Variants in YIPF4 observed in about 807,000 individuals in gnomAD.
YIPF4 encodes the protein protein YIPF4.
A neutral mutation model predicts 29.4 loss-of-function variants in YIPF4; 18 were observed. The ratio of observed to expected loss-of-function variants is 0.61; its 90% CI spans 0.42 to 0.91. YIPF4 has a LOEUF of 0.91. Among genes scored for constraint, YIPF4 ranks in the 40% least tolerant of loss-of-function variants. The pLI, the probability that YIPF4 is intolerant of heterozygous loss-of-function variation, is 0.00. For missense variants in YIPF4, 279 were observed against 282.7 expected (o/e 0.99, Z 0.09); for synonymous variants, 115 against 104.7 (o/e 1.10, Z -0.60).
In YIPF4 at chr2:32,315,912, G is replaced by T. The variant is rs771259018; in HGVS notation, c.*10286G>T. 1 of 151,752 alleles carries T rather than the reference G, an allele frequency of 6.6e-6. No individual in the cohort carries two copies. 9.4% of individuals were successfully genotyped at this position (151,752 alleles called of 1,614,324 possible). On this transcript the variant is annotated 3_prime_UTR_variant, in exon 6 of 6. Coordinates refer to ENST00000238831, the MANE Select transcript of YIPF4 (RefSeq NM_032312.4). ...ACAGAAGCCATGGCCAGGCACGGTG[G>T]CTCATGCCTGTAATCCCAGCTCTCA...
chr2:32,278,317 C>G, intron 1 of YIPF4, 83 bp downstream of exon 1: 1 of 1,374,250 alleles, frequency 7.3e-7, no homozygotes, highest in Non-Finnish European at 9.8e-7. Flanking sequence ...CCGAGGTGGT[C>G]GTGGCCGGGT....
At chr2:32,283,844 A>G (rs1175591325) in intron 1 of YIPF4, among the ~76,000 whole-genome samples, 1 of 151,768 alleles carries the variant, frequency 6.6e-6, no homozygotes, top group East Asian at 1.9e-4. Context: ...CAGCCTCCCA[A>G]GTAGCTGGGA....
chr2:32,302,940 C>G, intron 5 of YIPF4, among the ~76,000 whole-genome samples: 1 of 152,176 alleles, frequency 6.6e-6, no homozygotes, highest in East Asian at 1.9e-4. Flanking sequence ...CTAATCAGTT[C>G]TAAATTCAAA....
chr2:32,306,020 C>A lies in YIPF4; in HGVS notation c.*394C>A. ...AATTTTTTTCTTCAAAATGTTTTCT[C>A]CAGCATCACAGATCCTGCAGATATA... On this transcript the variant is annotated 3_prime_UTR_variant, in exon 6 of 6. Transcript: ENST00000238831. 3.1e-6 allele frequency: 3 copies of A among 966,440 alleles called. No homozygotes were observed. Among genetic ancestry groups the A allele is most frequent in the Non-Finnish European group, 3.7e-6 (3 of 812,790 alleles). The allele number at this position is 966,440 out of a possible 1,614,324, so 59.9% of individuals were successfully genotyped here.
chr2:32,294,799 C>G (rs969492668), intron 3 of YIPF4, among the ~76,000 whole-genome samples: 1 of 152,250 alleles, frequency 6.6e-6, no homozygotes, highest in Non-Finnish European at 1.5e-5. Context: ...GTGAACCAGA[C>G]ACCGTCTGCA....
At chr2:32,284,093 A>T (rs565799046) in intron 1 of YIPF4, among the ~76,000 whole-genome samples, 1 of 152,194 alleles carries the variant, frequency 6.6e-6, no homozygotes, top group African/African-American at 2.4e-5. Context: ...TTCAATAAGC[A>T]TGCACATTTG....
At chr2:32,294,613 T>A (rs2031093728) in intron 3 of YIPF4, among the ~76,000 whole-genome samples, 1 of 134,504 alleles carries the variant, frequency 7.4e-6, no homozygotes, top group South Asian at 2.5e-4. Flanking sequence ...GCTCCTCACA[T>A]CCCAGACGAT....
chr2:32,278,330 G>A, intron 1 of YIPF4, 96 bp downstream of exon 1: 2 of 1,250,518 alleles, frequency 1.6e-6, no homozygotes, highest in Non-Finnish European at 2.2e-6. Context: ...GGCCGGGTGG[G>A]GACAGGCAGG....
chr2:32,311,183 G>A lies in YIPF4; in HGVS notation c.*5557G>A, dbSNP rs1233012366. On this transcript the variant is annotated 3_prime_UTR_variant, in exon 6 of 6. Transcript: ENST00000238831. Reference sequence around the variant, plus strand: ...TTGTCTCTTAAAAAAAATACATTCTGAAGAAAGTTCTACTTATGAATACAT... The same window carrying A: ...TTGTCTCTTAAAAAAAATACATTCTAAAGAAAGTTCTACTTATGAATACAT... 6.6e-6 allele frequency: 1 copy of A among 152,116 alleles called. No homozygotes were observed. Among genetic ancestry groups the A allele is most frequent in the East Asian group, 1.9e-4 (1 of 5,194 alleles). 9.4% of individuals were successfully genotyped at this position (152,116 alleles called of 1,614,324 possible).
chr2:32,305,901 T>C lies in YIPF4; in HGVS notation c.*275T>C. On this transcript the variant is annotated 3_prime_UTR_variant, in exon 6 of 6. Coordinates refer to ENST00000238831, the MANE Select transcript of YIPF4 (RefSeq NM_032312.4). ...CATTGTGTTTTTAAGATTGTGTCGA[T>C]ATTCACCTAAAAACTTGTGCCAAAA... 9.5e-7 allele frequency: 1 copy of C among 1,048,976 alleles called. No homozygotes were observed. Among genetic ancestry groups the C allele is most frequent in the African/African-American group, 1.7e-5 (1 of 59,868 alleles). The allele number at this position is 1,048,976 out of a possible 1,614,324, so 65.0% of individuals were successfully genotyped here.
rs1305996176 is a variant in YIPF4, at chr2:32,310,676, CA to C, written c.*5054del. On this transcript the variant is annotated 3_prime_UTR_variant, in exon 6 of 6. Transcript: ENST00000238831. ...GAGGACTGTTTTGTGGCCAGGAGTT[CA>C]AAATCAGCCTGGTCGACGTAGTGAG... 4 of 152,030 alleles carry C rather than the reference CA, an allele frequency of 2.6e-5. No homozygotes were observed. Among genetic ancestry groups the C allele is most frequent in the Non-Finnish European group, 5.9e-5 (4 of 68,044 alleles). The allele number at this position is 152,030 out of a possible 1,614,324, so 9.4% of individuals were successfully genotyped here. A position where few individuals can be genotyped will look rare whatever the true frequency, so the allele number is the denominator to read the frequency against.
rs147993212 is a variant in YIPF4 at position 32,297,271 on chromosome 2, T to C, written c.406-963T>C. Among the ~76,000 whole-genome samples the C allele has an allele frequency of 9.3e-4, 141 of 152,142 alleles. 2 individuals are homozygous for C. In the East Asian group the frequency reaches 0.015, roughly 16 times the overall value. Reference sequence around the variant, plus strand: ...TCCGGAATAGCTGGGATTACAGGCATGTGCCACCATGCCCGGCTAATTTTG... The same window carrying C: ...TCCGGAATAGCTGGGATTACAGGCACGTGCCACCATGCCCGGCTAATTTTG... On this transcript the variant is annotated intron_variant, in intron 3 of 5. Transcript: ENST00000238831.
At chr2:32,298,998 C>T (rs896660302) in intron 4 of YIPF4, among the ~76,000 whole-genome samples, 1 of 152,040 alleles carries the variant, frequency 6.6e-6, no homozygotes. Context: ...CTGCCTTAGC[C>T]TCCCGAGTAG....
At position 32,308,084 on chromosome 2, in the gene YIPF4, A is replaced by G. The variant is rs1015323434; in HGVS notation, c.*2458A>G. 1 of 151,958 alleles carries G rather than the reference A, an allele frequency of 6.6e-6. No homozygotes were observed. Among genetic ancestry groups the G allele is most frequent in the Non-Finnish European group, 1.5e-5 (1 of 68,010 alleles). The allele number at this position is 151,958 out of a possible 1,614,324, so 9.4% of individuals were successfully genotyped here. On this transcript the variant is annotated 3_prime_UTR_variant, in exon 6 of 6. Transcript: ENST00000238831. ...TGAGTCATAACTAATTTTTTAAATA[A>G]TGATTTCCAATCTAATTATTAATTA...
chr2:32,282,790 A>G (rs189336829), intron 1 of YIPF4, among the ~76,000 whole-genome samples: 1 of 151,942 alleles, frequency 6.6e-6, no homozygotes, highest in Non-Finnish European at 1.5e-5. Context: ...AGAATACCCA[A>G]GTGCAGGCCA....
At chr2:32,291,628 A>G (rs2030919878) in intron 2 of YIPF4, among the ~76,000 whole-genome samples, 1 of 152,254 alleles carries the variant, frequency 6.6e-6, no homozygotes. Context: ...TTAATTAAAC[A>G]GAAAAGTGCG....
intron 3 of YIPF4, 55 bp from the exon 4 acceptor site, chr2:32,298,179 A>C: frequency 7.2e-7 from 1 of 1,382,692 alleles, no homozygotes; most frequent in South Asian, 1.2e-5. Context: ...AGTTCCTGGA[A>C]AATTATCATC....
intron 2 of YIPF4, among the ~76,000 whole-genome samples, chr2:32,291,771 A>G (rs1260633180): frequency 6.6e-6 from 1 of 152,194 alleles, no homozygotes; most frequent in Non-Finnish European, 1.5e-5. Flanking sequence ...GTTGAAAGAA[A>G]GAATTTCCCC....
rs1188587280 is a variant in YIPF4 at position 32,312,867 on chromosome 2, T to A, written c.*7241T>A. 2 of 152,214 alleles carry A rather than the reference T, an allele frequency of 1.3e-5. No homozygotes were observed. Among genetic ancestry groups the A allele is most frequent in the African/African-American group, 2.4e-5 (1 of 41,394 alleles). The allele number at this position is 152,214 out of a possible 1,614,324, so 9.4% of individuals were successfully genotyped here. A position where few individuals can be genotyped will look rare whatever the true frequency, so the allele number is the denominator to read the frequency against. On this transcript the variant is annotated 3_prime_UTR_variant, in exon 6 of 6. Transcript: ENST00000238831. ...TTAGCCGGGCGTGGTAGCAGGCGCC[T>A]GTAGTCCCAGCTGCTTGGGAGGCTG...
Sources: allele counts gnomAD v4.1 joint callset (sites outside exome capture counted in the v4.1 genomes callset), GRCh38; gene constraint gnomAD v4.1.1; transcripts MANE v1.5; gene names NCBI Gene and HGNC (gene_info 2026-07-23, HGNC 2026-07-21).